SLC14A2: variants seen among roughly 807,000 people sequenced by gnomAD.
SLC14A2 encodes the protein urea transporter 2.
In SLC14A2, 91 loss-of-function variants were observed where a neutral mutation model predicts 104.6. The observed-to-expected ratio is 0.87, with a 90% CI of 0.73 to 1.04. The LOEUF is 1.04. Ranked by LOEUF, SLC14A2 falls within the 50% of genes least tolerant of loss-of-function variation. The probability of loss-of-function intolerance (pLI) is 0.00; values close to 1 mark genes in which losing one functional copy is unlikely to be tolerated. For missense variants in SLC14A2, 1,189 were observed against 1,156.0 expected, an observed-to-expected ratio of 1.03 and a Z score of -0.41; for synonymous variants, 476 against 466.4, an observed-to-expected ratio of 1.02 and a Z score of -0.27.
At chr18:45,509,676 G>A (rs62093095) in intron 2 of SLC14A2, among the ~76,000 whole-genome samples, 122,215 of 151,534 alleles carry the variant, frequency 0.81, 50,339 homozygotes, top group Non-Finnish European at 0.9. Flanking sequence ...CACTCAAGTG[G>A]TCGCCACTCT....
At chr18:45,254,498 C>A (rs1238087921) in intron 1 of SLC14A2, among the ~76,000 whole-genome samples, 1 of 152,168 alleles carries the variant, frequency 6.6e-6, no homozygotes, top group South Asian at 2.1e-4. Context: ...GAGAGAAGTG[C>A]AAATATAAAC....
At chr18:45,345,493 G>A (rs1425021480) in intron 1 of SLC14A2, among the ~76,000 whole-genome samples, 5 of 152,044 alleles carry the variant, frequency 3.3e-5, no homozygotes, top group Non-Finnish European at 4.4e-5. Context: ...CAAAGGCACG[G>A]CCCTGAGTCT....
intron 1 of SLC14A2, among the ~76,000 whole-genome samples, chr18:45,324,148 C>T (rs539924885): frequency 6.6e-6 from 1 of 152,172 alleles, no homozygotes; most frequent in South Asian, 2.1e-4. Flanking sequence ...TTACTAGAAA[C>T]ATAATAGCTG....
intron 1 of SLC14A2, among the ~76,000 whole-genome samples, chr18:45,362,745 A>G (rs1222268531): frequency 1.3e-5 from 2 of 152,230 alleles, no homozygotes; most frequent in Admixed American, 6.5e-5. Flanking sequence ...AGCAGCTGGT[A>G]TAGCATCACT....
chr18:45,476,859 G>C (rs1327208637), intron 1 of SLC14A2, among the ~76,000 whole-genome samples: 1 of 152,132 alleles, frequency 6.6e-6, no homozygotes, highest in African/African-American at 2.4e-5. Context: ...CTCTAAACTG[G>C]TTATTCTAGT....
chr18:45,179,820 T>G, the SLC14A2 span: 1 of 151,156 alleles, frequency 6.6e-6, no homozygotes, highest in African/African-American at 2.4e-5. Context: ...AATTGAGAAC[T>G]TACAAATGAT....
At chr18:45,384,658 C>T (rs1045191546) in intron 1 of SLC14A2, among the ~76,000 whole-genome samples, 3 of 151,950 alleles carry the variant, frequency 2.0e-5, no homozygotes, top group East Asian at 1.9e-4. Context: ...CAGTGCCTCT[C>T]CCCCCGACAA....
intron 1 of SLC14A2, among the ~76,000 whole-genome samples, chr18:45,318,348 C>A (rs2085150889): frequency 6.6e-6 from 1 of 152,138 alleles, no homozygotes. Context: ...AGCACTGGGT[C>A]ATGTGCTCCA....
intron 18 of SLC14A2, among the ~76,000 whole-genome samples, chr18:45,676,750 T>G (rs1462322005): frequency 2.6e-5 from 4 of 152,184 alleles, no homozygotes; most frequent in Non-Finnish European, 5.9e-5. Flanking sequence ...GTCATCTCAT[T>G]TAATCTTCCC....
At chr18:45,425,022 T>A (rs9948940) in intron 1 of SLC14A2, among the ~76,000 whole-genome samples, 3,444 of 152,312 alleles carry the variant, frequency 0.023, 142 homozygotes, top group African/African-American at 0.079. Context: ...AGCACCCATG[T>A]TTCACCAAGC....
intron 2 of SLC14A2, among the ~76,000 whole-genome samples, chr18:45,513,224 T>C (rs1304954920): frequency 2.6e-5 from 4 of 152,346 alleles, no homozygotes; most frequent in Admixed American, 6.5e-5. Flanking sequence ...CCCCAGATTT[T>C]ACTTCTAACT....
chr18:45,573,680 G>C (rs189741766), intron 2 of SLC14A2, among the ~76,000 whole-genome samples: 1 of 152,176 alleles, frequency 6.6e-6, no homozygotes, highest in East Asian at 1.9e-4. Flanking sequence ...ATGGGATGTG[G>C]CTTGGCAGCA....
rs563450050 is a variant in SLC14A2, at chr18:45,497,697, A to C, written c.-35+14375A>C. On this transcript the variant is annotated intron_variant, in intron 2 of 20. Transcript: ENST00000586448. ...CAGTAGGCATGGTGTTCCCATTGAG[A>C]AGGGAGGATTCAAAAGTAAGCCCCA... Among the ~76,000 whole-genome samples, 5 of 152,280 alleles carry C rather than the reference A, an allele frequency of 3.3e-5. No homozygotes were observed. In the South Asian group the frequency reaches 1.0e-3, roughly 32 times the overall value.
At position 45,654,221 on chromosome 18, in the gene SLC14A2, C is replaced by T. The variant is rs532618957; in HGVS notation, c.1352-9564C>T. Among the ~76,000 whole-genome samples, 12 of 152,208 alleles carry T rather than the reference C, an allele frequency of 7.9e-5. No individual in the cohort carries two copies. The East Asian group carries it at 9.7e-4, about 12-fold the overall frequency. On this transcript the variant is annotated intron_variant, in intron 10 of 19. Coordinates refer to ENST00000255226, the MANE Select transcript of SLC14A2 (RefSeq NM_007163.4). ...ATGGTACCCTTCCTCAACTGGCAGA[C>T]GTGCGCCAGGCAACAGGTTCAGGGA...
chr18:45,501,507 C>T (rs1410720198), intron 2 of SLC14A2, among the ~76,000 whole-genome samples: 3 of 152,218 alleles, frequency 2.0e-5, no homozygotes, highest in African/African-American at 7.2e-5. Flanking sequence ...TCGTCTCCCA[C>T]CTGCATTAGG....
At chr18:45,679,103 C>T (rs1046472799) in intron 19 of SLC14A2, 79 bp downstream of exon 19, 6 of 1,318,480 alleles carry the variant, frequency 4.6e-6, no homozygotes, top group Admixed American at 1.8e-5. Context: ...TGCTGAAAAC[C>T]TCTCTCCTCT....
chr18:45,401,225 A>C lies in SLC14A2; in HGVS notation c.-124-82008A>C, dbSNP rs190465830. ...CTGACATCATCCCTCACCACAGTAC[A>C]TCTCTCTTTCCAGCTTTAATTTGTT... is the stretch of plus-strand genomic sequence containing the variant. On this transcript the variant is annotated intron_variant, in intron 1 of 20. Coordinates refer to the SLC14A2 transcript ENST00000586448. Among the ~76,000 whole-genome samples the C allele has an allele frequency of 4.2e-3, 645 of 152,270 alleles. 2 individuals carry two copies. Among genetic ancestry groups the C allele is most frequent in the Non-Finnish European group, 3.6e-3 (246 of 68,024 alleles).
chr18:45,421,252 G>A (rs1196022084), intron 1 of SLC14A2, among the ~76,000 whole-genome samples: 2 of 144,508 alleles, frequency 1.4e-5, no homozygotes, highest in Non-Finnish European at 3.0e-5. Flanking sequence ...ATTTAACATC[G>A]ATCCTTTTTT....
intron 2 of SLC14A2, among the ~76,000 whole-genome samples, chr18:45,539,603 A>G (rs1463870191): frequency 1.3e-5 from 2 of 152,196 alleles, no homozygotes; most frequent in African/African-American, 4.8e-5. Context: ...AGCCCCATCG[A>G]TCCCAGACCA....
Sources: allele counts gnomAD v4.1 joint callset (sites outside exome capture counted in the v4.1 genomes callset), GRCh38; gene constraint gnomAD v4.1.1; transcripts MANE v1.5; gene names NCBI Gene and HGNC (gene_info 2026-07-23, HGNC 2026-07-21).